The following ZFHX3 variants were observed in gnomAD, a reference collection of about 807,000 sequenced individuals.
ZFHX3 encodes zinc finger homeobox 3.
Under a neutral mutation model 279.1 loss-of-function variants are expected in ZFHX3, and 42 were observed. The observed-to-expected ratio is 0.15, with a 90% CI of 0.12 to 0.19. The LOEUF (loss-of-function observed/expected upper bound fraction) is 0.19. Among genes scored for constraint, ZFHX3 ranks in the 10% least tolerant of loss-of-function variants. The probability of loss-of-function intolerance (pLI) is 1.00; values close to 1 mark genes in which losing one functional copy is unlikely to be tolerated. For synonymous variants in ZFHX3, 2,293 were observed against 1,957.8 expected (o/e 1.17, Z -4.52); for missense variants, 4,981 against 4,754.0 (o/e 1.05, Z -1.40).
chr16:73,811,438 C>CTTTTTTTTTTTTTTTTTTTTTTTTTT (rs34134056), intron 1 of ZFHX3, among the ~76,000 whole-genome samples: 1 of 106,568 alleles, frequency 9.4e-6, no homozygotes, highest in African/African-American at 3.7e-5. Flanking sequence ...TCAGTCTCTT[C>CTTTTTTTTTTTTTTTTTTTTTTTTTT]TTTTTTTTTT....
intron 8 of ZFHX3, among the ~76,000 whole-genome samples, chr16:73,070,621 G>C (rs764271956): frequency 6.6e-6 from 1 of 151,994 alleles, no homozygotes; most frequent in Non-Finnish European, 1.5e-5. Flanking sequence ...GCCCTCCCTC[G>C]GCAGGCACTG....
intron 4 of ZFHX3, among the ~76,000 whole-genome samples, chr16:72,853,752 T>C (rs2143850890): frequency 6.6e-6 from 1 of 152,078 alleles, no homozygotes; most frequent in East Asian, 1.9e-4. Context: ...AAAAGGAAGT[T>C]GGTTTGGTCA....
chr16:73,521,956 T>C (rs1026528152), intron 2 of ZFHX3, among the ~76,000 whole-genome samples: 18 of 152,196 alleles, frequency 1.2e-4, no homozygotes, highest in African/African-American at 4.1e-4. Context: ...CAAGCCTTGA[T>C]GAAAATGTCA....
At chr16:73,311,401 C>A (rs1465845055) in intron 4 of ZFHX3, among the ~76,000 whole-genome samples, 8 of 151,914 alleles carry the variant, frequency 5.3e-5, no homozygotes, top group Non-Finnish European at 1.0e-4. Flanking sequence ...TCGAGACCAG[C>A]CTGGCCAACA....
At chr16:73,284,471 A>G (rs962289303) in intron 4 of ZFHX3, among the ~76,000 whole-genome samples, 7 of 152,112 alleles carry the variant, frequency 4.6e-5, no homozygotes, top group African/African-American at 1.7e-4. Flanking sequence ...AAACTAAAAC[A>G]CTAAAATTAA....
chr16:73,546,719 CTGCTGCTGCTGCTGCTGT>C (rs1447415462), intron 2 of ZFHX3, among the ~76,000 whole-genome samples: 25 of 144,360 alleles, frequency 1.7e-4, no homozygotes, highest in Non-Finnish European at 7.6e-5. Context: ...GCTGCTGCTG[CTGCTGCTGCTGCTGCTGT>C]TGCTTCTTTT....
Position 72,787,515 on chromosome 16 carries a change from C to T in ZFHX3, c.10761G>A (p.Ser3587=), listed in dbSNP as rs776903532. 14 of 1,613,790 alleles carry T rather than the reference C, an allele frequency of 8.7e-6. No homozygotes were observed. The South Asian group carries it at 1.1e-4, about 13-fold the overall frequency. ...TGTCGTTTGAGTGAGCGGCAGACTG[C>T]GAGGTAGATGCGGTGCTAGGATCGG... ...CFPDPSTAST[S]QSAAHSNDSP... is the part of the protein sequence containing the mutation. The change falls in exon 10 of 10, where the codon TCG becomes TCA. Residue 3587 remains serine (S), a synonymous_variant. Transcript: ENST00000268489.
intron 1 of ZFHX3, among the ~76,000 whole-genome samples, chr16:73,730,083 A>T (rs1238186482): frequency 6.6e-6 from 1 of 152,202 alleles, no homozygotes; most frequent in Non-Finnish European, 1.5e-5. Context: ...ATCCATGCAC[A>T]GAAGGCTGAC....
chr16:73,673,283 CTGGGTCGTAAGTTA>C (rs2052922128), intron 2 of ZFHX3, among the ~76,000 whole-genome samples: 1 of 152,070 alleles, frequency 6.6e-6, no homozygotes, highest in South Asian at 2.1e-4. Flanking sequence ...TACTTTTAAG[CTGGGTCGTAAGTTA>C]TGGGTATTCA....
At chr16:73,784,584 T>C (rs759033975) in intron 1 of ZFHX3, among the ~76,000 whole-genome samples, 1 of 151,530 alleles carries the variant, frequency 6.6e-6, no homozygotes, top group Non-Finnish European at 1.5e-5. Flanking sequence ...CCATCTCTAC[T>C]AAAAATACAA....
At chr16:73,219,320 T>C (rs1445025205) in intron 5 of ZFHX3, among the ~76,000 whole-genome samples, 1 of 152,220 alleles carries the variant, frequency 6.6e-6, no homozygotes, top group African/African-American at 2.4e-5. Flanking sequence ...TAACAGATTG[T>C]ACTGTCAATC....
intron 2 of ZFHX3, among the ~76,000 whole-genome samples, chr16:73,522,523 G>C (rs1234670256): frequency 2.0e-5 from 3 of 152,154 alleles, no homozygotes; most frequent in African/African-American, 7.2e-5. Flanking sequence ...ATGATCTGGG[G>C]CAGTGAGGGA....
chr16:73,547,110 C>A (rs2020128973), intron 2 of ZFHX3, among the ~76,000 whole-genome samples: 1 of 152,054 alleles, frequency 6.6e-6, no homozygotes, highest in South Asian at 2.1e-4. Context: ...ATCTCTCCAT[C>A]CTAATGACAA....
chr16:72,784,973 A>G lies in ZFHX3; in HGVS notation c.*2191T>C, dbSNP rs2035296524. 1 of 152,618 alleles carries G rather than the reference A, an allele frequency of 6.6e-6. No individual in the cohort carries two copies. Among genetic ancestry groups the G allele is most frequent in the Admixed American group, 6.5e-5 (1 of 15,288 alleles). The allele number at this position is 152,618 out of a possible 1,614,324, so 9.5% of individuals were successfully genotyped here. On this transcript the variant is annotated 3_prime_UTR_variant, in exon 10 of 10. Transcript: ENST00000268489. The stretch of plus-strand genomic sequence containing the variant: ...TCTTGGAATGCTCCAGTCTTTTGCA[A>G]AGTCGATGAGTGGCTTCAGCACTGG...
chr16:73,637,230 C>CTTTTT (rs1215790905), intron 2 of ZFHX3, among the ~76,000 whole-genome samples: 1 of 121,694 alleles, frequency 8.2e-6, no homozygotes. Context: ...TTTTTTTGTT[C>CTTTTT]TTTTTTTTTT....
rs139067259 is a variant in ZFHX3, at chr16:73,774,723, G to A, written c.-1607-94483C>T. The stretch of plus-strand genomic sequence containing the variant: ...ACCGATGGTAACTGAGTACAACCTC[G>A]GTTTATCAGTCAGACAACGGTGGTT... On this transcript the variant is annotated intron_variant, in intron 1 of 17. Coordinates refer to the ZFHX3 transcript ENST00000641206. 3.0e-3 allele frequency among the ~76,000 whole-genome samples: 450 copies of A among 152,220 alleles called. 4 individuals carry two copies. The highest frequency in any genetic ancestry group is 0.011 in the African/African-American group (440 of 41,532).
At chr16:73,874,918 C>A (rs2029899766) in intron 1 of ZFHX3, among the ~76,000 whole-genome samples, 1 of 152,184 alleles carries the variant, frequency 6.6e-6, no homozygotes, top group Admixed American at 6.5e-5. Context: ...TAACTCTGAA[C>A]ATATCCACAA....
At chr16:73,574,351 C>CA (rs977545079) in intron 2 of ZFHX3, among the ~76,000 whole-genome samples, 4 of 152,090 alleles carry the variant, frequency 2.6e-5, no homozygotes, top group South Asian at 4.1e-4. Flanking sequence ...TTGGGCCCCC[C>CA]CCAGCATCCA....
intron 5 of ZFHX3, among the ~76,000 whole-genome samples, chr16:72,812,847 G>A (rs1248694506): frequency 1.3e-5 from 2 of 152,166 alleles, no homozygotes; most frequent in African/African-American, 2.4e-5. Context: ...CAGCACGTAC[G>A]GAAGTGCTGG....
Sources: allele counts gnomAD v4.1 joint callset (sites outside exome capture counted in the v4.1 genomes callset), GRCh38; gene constraint gnomAD v4.1.1; transcripts MANE v1.5; gene names NCBI Gene and HGNC (gene_info 2026-07-23, HGNC 2026-07-21).